UVRAG: variants seen among roughly 807,000 people sequenced by gnomAD.
The protein encoded by UVRAG is UV radiation resistance-associated gene protein.
In UVRAG, 19 loss-of-function variants were observed where a neutral mutation model predicts 78.0. The observed-to-expected ratio is 0.24, with a 90% CI of 0.17 to 0.36. The LOEUF is 0.36. Ranked by LOEUF, UVRAG falls within the 10% of genes least tolerant of loss-of-function variation. The probability of loss-of-function intolerance (pLI) is 1.00; values close to 1 mark genes in which losing one functional copy is unlikely to be tolerated. For synonymous variants in UVRAG, 323 were observed against 324.6 expected, an observed-to-expected ratio of 1.00 and a Z score of 0.05; for missense variants, 740 against 853.8, an observed-to-expected ratio of 0.87 and a Z score of 1.66.
intron 7 of UVRAG, among the ~76,000 whole-genome samples, chr11:75,971,462 A>G (rs953090102): frequency 6.6e-6 from 1 of 152,192 alleles, no homozygotes; most frequent in Non-Finnish European, 1.5e-5. Context: ...CCCACCTTCA[A>G]TGAATGACAG....
At chr11:76,046,239 CT>C (rs1266798778) in intron 12 of UVRAG, among the ~76,000 whole-genome samples, 10 of 152,126 alleles carry the variant, frequency 6.6e-5, no homozygotes, top group African/African-American at 2.2e-4. Context: ...GGAAGATGTG[CT>C]CTATTAATAT....
At chr11:76,061,056 T>C (rs1015654943) in intron 12 of UVRAG, among the ~76,000 whole-genome samples, 4 of 152,202 alleles carry the variant, frequency 2.6e-5, no homozygotes, top group African/African-American at 9.6e-5. Context: ...GGAGAACCTT[T>C]ATGTCTAGCT....
intron 13 of UVRAG, among the ~76,000 whole-genome samples, chr11:76,091,638 G>T (rs1478164440): frequency 6.6e-6 from 1 of 151,554 alleles, no homozygotes; most frequent in Non-Finnish European, 1.5e-5. Flanking sequence ...TTTTCATTTT[G>T]GCTTTCATAT....
At chr11:76,026,605 A>G (rs1448445145) in intron 12 of UVRAG, among the ~76,000 whole-genome samples, 1 of 152,030 alleles carries the variant, frequency 6.6e-6, no homozygotes, top group African/African-American at 2.4e-5. Flanking sequence ...ATAACCTTTC[A>G]TCTTCATTTT....
At chr11:75,927,709 C>A (rs111620580) in intron 6 of UVRAG, among the ~76,000 whole-genome samples, 3,247 of 152,074 alleles carry the variant, frequency 0.021, 62 homozygotes, top group Non-Finnish European at 0.033. Context: ...AATTAGACAG[C>A]AAAGTTGGAT....
intron 12 of UVRAG, among the ~76,000 whole-genome samples, chr11:76,057,014 C>T (rs1950997828): frequency 6.6e-6 from 1 of 152,208 alleles, no homozygotes. Flanking sequence ...AAGTAGGAAA[C>T]AATCTTGGCA....
At chr11:76,052,422 C>T (rs1221472505) in intron 12 of UVRAG, among the ~76,000 whole-genome samples, 1 of 152,316 alleles carries the variant, frequency 6.6e-6, no homozygotes, top group African/African-American at 2.4e-5. Context: ...CTCACCACAT[C>T]CCTGCAGCTG....
At chr11:76,026,370 T>TA (rs1950326963) in intron 12 of UVRAG, among the ~76,000 whole-genome samples, 1 of 152,154 alleles carries the variant, frequency 6.6e-6, no homozygotes, top group Non-Finnish European at 1.5e-5. Flanking sequence ...TTCCTTCCTA[T>TA]AAAAATTCTC....
intron 1 of UVRAG, among the ~76,000 whole-genome samples, chr11:75,834,734 A>G (rs1945741725): frequency 6.6e-6 from 1 of 152,088 alleles, no homozygotes. Flanking sequence ...GAATTGCTTG[A>G]ACCTGGGAGG....
intron 13 of UVRAG, among the ~76,000 whole-genome samples, chr11:76,090,709 T>C (rs562298752): frequency 6.6e-6 from 1 of 152,340 alleles, no homozygotes; most frequent in Admixed American, 6.5e-5. Context: ...TTTTCTTATT[T>C]TTTCTTTGAT....
At chr11:75,918,514 A>G (rs1947909387) in intron 6 of UVRAG, among the ~76,000 whole-genome samples, 1 of 152,140 alleles carries the variant, frequency 6.6e-6, no homozygotes, top group Non-Finnish European at 1.5e-5. Context: ...GCCCTTAGGG[A>G]CCAAGGTCTT....
At chr11:75,923,007 TATATA>T (rs1591022394) in intron 6 of UVRAG, among the ~76,000 whole-genome samples, 1 of 147,234 alleles carries the variant, frequency 6.8e-6, no homozygotes, top group African/African-American at 2.5e-5. Context: ...TTTTTTCATA[TATATA>T]TATATATATA....
intron 12 of UVRAG, 53 bp from the exon 13 acceptor site, chr11:76,065,656 AG>A: frequency 1.3e-6 from 2 of 1,537,834 alleles, no homozygotes; most frequent in Non-Finnish European, 1.8e-6. Flanking sequence ...GACAACTTGG[AG>A]GTTGTATTTA....
At chr11:76,127,357 TAAAG>T (rs1239715286) in intron 14 of UVRAG, among the ~76,000 whole-genome samples, 1 of 152,092 alleles carries the variant, frequency 6.6e-6, no homozygotes, top group African/African-American at 2.4e-5. Context: ...AGAAATGAGT[TAAAG>T]AATGAATGAG....
chr11:76,044,630 C>T (rs556315083), intron 12 of UVRAG, among the ~76,000 whole-genome samples: 4 of 152,084 alleles, frequency 2.6e-5, no homozygotes, highest in South Asian at 4.2e-4. Flanking sequence ...AAACATTAGC[C>T]GGGCATGGCA....
At chr11:75,893,467 G>A (rs1434226140) in intron 5 of UVRAG, among the ~76,000 whole-genome samples, 1 of 151,718 alleles carries the variant, frequency 6.6e-6, no homozygotes, top group African/African-American at 2.4e-5. Context: ...TCCTAAAAGG[G>A]GAAATTTGAA....
rs942018499 is a variant in UVRAG, at chr11:75,959,107, T to C, written c.594-2337T>C. ...GGCAGAGTAGATTTAGCATAATTCT[T>C]AAGGGCCCCAGGGTCTTCAGAGTTG... On this transcript the variant is annotated intron_variant, in intron 6 of 14. Transcript: ENST00000356136. Among the ~76,000 whole-genome samples the C allele has an allele frequency of 7.2e-5, 11 of 152,326 alleles. No individual in the cohort carries two copies. The South Asian group carries it at 1.9e-3, about 26-fold the overall frequency.
At chr11:76,068,870 T>C (rs1951248854) in intron 13 of UVRAG, among the ~76,000 whole-genome samples, 1 of 152,226 alleles carries the variant, frequency 6.6e-6, no homozygotes, top group Admixed American at 6.5e-5. Flanking sequence ...GAGTTTGTCT[T>C]CTCAGCCAGT....
intron 1 of UVRAG, among the ~76,000 whole-genome samples, chr11:75,822,317 G>A (rs544019123): frequency 6.6e-6 from 1 of 152,160 alleles, no homozygotes; most frequent in African/African-American, 2.4e-5. Flanking sequence ...CAAACTAGCT[G>A]TTTTCTCCTA....
Sources: gnomAD v4.1 joint callset for allele counts (sites outside exome capture counted in the v4.1 genomes callset) on GRCh38, gnomAD v4.1.1 for gene constraint, MANE v1.5 for transcripts, NCBI Gene and HGNC (gene_info 2026-07-23, HGNC 2026-07-21) for gene names.